Variants in NEGR1 observed in about 807,000 individuals in gnomAD.
NEGR1 encodes the protein neuronal growth regulator 1.
NEGR1 carries 10 observed loss-of-function variants against 40.9 expected under a neutral mutation model. The ratio of observed to expected loss-of-function variants is 0.24; its 90% CI spans 0.15 to 0.42. The LOEUF (loss-of-function observed/expected upper bound fraction) is 0.42. Among genes scored for constraint, NEGR1 ranks in the 10% least tolerant of loss-of-function variants. The pLI, the probability that NEGR1 is intolerant of heterozygous loss-of-function variation, is 1.00. For synonymous variants in NEGR1, 185 were observed against 166.8 expected, an observed-to-expected ratio of 1.11 and a Z score of -0.84; for missense variants, 352 against 438.9, an observed-to-expected ratio of 0.80 and a Z score of 1.77.
rs964111370 is a variant in NEGR1, at chr1:71,688,957, T to A, written c.667+9051A>T. ...ATTAGCTAATTTCCCCAGTATCCCATAGTTTATAAGTGACTGAGCTAAGAT... is the reference window on the plus strand; with the variant it reads ...ATTAGCTAATTTCCCCAGTATCCCAAAGTTTATAAGTGACTGAGCTAAGAT... On this transcript the variant is annotated intron_variant, in intron 4 of 6. Transcript: ENST00000357731. 2.0e-5 allele frequency among the ~76,000 whole-genome samples: 3 copies of A among 152,250 alleles called. No homozygotes were observed. In the South Asian group the frequency reaches 6.2e-4, roughly 32 times the overall value.
At chr1:71,485,263 C>G (rs536678494) in intron 6 of NEGR1, among the ~76,000 whole-genome samples, 1 of 151,194 alleles carries the variant, frequency 6.6e-6, no homozygotes, top group East Asian at 2.0e-4. Context: ...ATTGTTTTAA[C>G]TTTTCAAAAA....
At chr1:71,632,619 T>C (rs981345327) in intron 4 of NEGR1, among the ~76,000 whole-genome samples, 1 of 151,724 alleles carries the variant, frequency 6.6e-6, no homozygotes, top group African/African-American at 2.4e-5. Flanking sequence ...ATAGCACCAC[T>C]ATTAATAATT....
chr1:71,569,636 G>T (rs986357077), intron 6 of NEGR1, among the ~76,000 whole-genome samples: 5 of 152,110 alleles, frequency 3.3e-5, no homozygotes, highest in African/African-American at 1.2e-4. Context: ...TTTTGTTGGG[G>T]TTACACATGG....
At chr1:71,804,716 A>G (rs950241572) in intron 2 of NEGR1, among the ~76,000 whole-genome samples, 3 of 152,176 alleles carry the variant, frequency 2.0e-5, no homozygotes, top group African/African-American at 7.2e-5. Flanking sequence ...TAAACTGAGG[A>G]GGATGTATGT....
intron 1 of NEGR1, among the ~76,000 whole-genome samples, chr1:71,969,064 G>A (rs577654215): frequency 5.9e-4 from 90 of 152,026 alleles, no homozygotes; most frequent in African/African-American, 2.1e-3. Flanking sequence ...GCCCAGGCTG[G>A]AGTGCAATGG....
intron 2 of NEGR1, among the ~76,000 whole-genome samples, chr1:71,810,355 T>A (rs1347127341): frequency 6.6e-6 from 1 of 152,130 alleles, no homozygotes; most frequent in African/African-American, 2.4e-5. Context: ...TGTGCCTCCC[T>A]TCCAGGATCT....
chr1:71,967,217 G>GATAT (rs1646217207), intron 1 of NEGR1, among the ~76,000 whole-genome samples: 1 of 152,114 alleles, frequency 6.6e-6, no homozygotes, highest in African/African-American at 2.4e-5. Context: ...ATGAAGAACT[G>GATAT]ATATTATACT....
At chr1:71,756,508 T>C (rs1655748279) in intron 3 of NEGR1, among the ~76,000 whole-genome samples, 2 of 150,856 alleles carry the variant, frequency 1.3e-5, no homozygotes, top group African/African-American at 4.9e-5. Flanking sequence ...GTGTTCAAAA[T>C]CCATAATTAT....
At chr1:71,494,699 G>A (rs1381287408) in intron 6 of NEGR1, among the ~76,000 whole-genome samples, 1 of 152,122 alleles carries the variant, frequency 6.6e-6, no homozygotes, top group Non-Finnish European at 1.5e-5. Flanking sequence ...GGACCGTCTT[G>A]TGGGGAGAAT....
intron 1 of NEGR1, among the ~76,000 whole-genome samples, chr1:71,940,143 T>C (rs1486575119): frequency 6.6e-6 from 1 of 152,174 alleles, no homozygotes; most frequent in African/African-American, 2.4e-5. Flanking sequence ...TGGTCACAAA[T>C]TCAGATCTTT....
chr1:71,766,378 C>A (rs1257216406), intron 3 of NEGR1, among the ~76,000 whole-genome samples: 1 of 152,142 alleles, frequency 6.6e-6, no homozygotes, highest in Non-Finnish European at 1.5e-5. Flanking sequence ...AGGCAATAGC[C>A]TTAATGCCTA....
intron 1 of NEGR1, among the ~76,000 whole-genome samples, chr1:72,032,406 T>A (rs1646866150): frequency 6.6e-6 from 1 of 152,196 alleles, no homozygotes; most frequent in Non-Finnish European, 1.5e-5. Flanking sequence ...ACTTGAGCTG[T>A]CCCTGCTTAT....
At chr1:71,779,781 C>A (rs1407856649) in intron 2 of NEGR1, among the ~76,000 whole-genome samples, 1 of 152,016 alleles carries the variant, frequency 6.6e-6, no homozygotes, top group Admixed American at 6.6e-5. Flanking sequence ...ATTGGCCAGG[C>A]TGCTCTCGAA....
At chr1:72,001,293 C>T (rs191669134) in intron 1 of NEGR1, among the ~76,000 whole-genome samples, 4 of 152,058 alleles carry the variant, frequency 2.6e-5, no homozygotes, top group Admixed American at 2.6e-4. Flanking sequence ...CTTGGTGTGT[C>T]CATGTCCTTG....
chr1:72,138,441 A>C lies in NEGR1; in HGVS notation c.176+143878T>G, dbSNP rs140689618. ...TCAGAGGCAAAGATTGTCAAATTTG[A>C]TTTGAAAAGCAAGGCCAAATATGTG... On this transcript the variant is annotated intron_variant, in intron 1 of 6. Transcript: ENST00000357731. 2.1e-4 allele frequency among the ~76,000 whole-genome samples: 32 copies of C among 152,058 alleles called. No homozygotes were observed. In the East Asian group the frequency reaches 6.0e-3, roughly 28 times the overall value.
In NEGR1 at chr1:72,144,212, G is replaced by T. The variant is rs113361344; in HGVS notation, c.176+138107C>A. The stretch of plus-strand genomic sequence containing the variant: ...ATTCTAAATTACTTAAAACATATAG[G>T]TCTTGCAGGCACTCCCAATCATTCG... On this transcript the variant is annotated intron_variant, in intron 1 of 6. Coordinates refer to ENST00000357731, the MANE Select transcript of NEGR1 (RefSeq NM_173808.3). 5.8e-3 allele frequency among the ~76,000 whole-genome samples: 881 copies of T among 150,922 alleles called. 10 individuals are homozygous for T. The highest frequency in any genetic ancestry group is 0.02 in the African/African-American group (839 of 41,066).
At chr1:71,534,891 TAACA>T (rs1647465722) in intron 6 of NEGR1, among the ~76,000 whole-genome samples, 4 of 151,600 alleles carry the variant, frequency 2.6e-5, no homozygotes, top group Non-Finnish European at 5.9e-5. Context: ...TATAAAAATT[TAACA>T]AAATTTTAAA....
chr1:71,708,347 G>A (rs913761493), intron 3 of NEGR1, among the ~76,000 whole-genome samples: 13 of 151,762 alleles, frequency 8.6e-5, no homozygotes, highest in Non-Finnish European at 1.9e-4. Context: ...TAATTATGGA[G>A]CTGAAAAATG....
chr1:71,800,944 G>A (rs1425616314), intron 2 of NEGR1, among the ~76,000 whole-genome samples: 1 of 152,118 alleles, frequency 6.6e-6, no homozygotes, highest in African/African-American at 2.4e-5. Flanking sequence ...TCAAAATAGT[G>A]TTTGTAGTCA....
Sources: gnomAD v4.1 joint callset for allele counts (sites outside exome capture counted in the v4.1 genomes callset) on GRCh38, gnomAD v4.1.1 for gene constraint, MANE v1.5 for transcripts, NCBI Gene and HGNC (gene_info 2026-07-23, HGNC 2026-07-21) for gene names.